Variants in MCTP1 observed in about 807,000 individuals in gnomAD.
The protein encoded by MCTP1 is multiple C2 and transmembrane domain-containing protein 1.
MCTP1 carries 69 observed loss-of-function variants against 120.6 expected under a neutral mutation model. The ratio of observed to expected loss-of-function variants is 0.57; its 90% CI spans 0.47 to 0.70. The LOEUF is 0.70. Among genes scored for constraint, MCTP1 ranks in the 30% least tolerant of loss-of-function variants. The pLI, the probability that MCTP1 is intolerant of heterozygous loss-of-function variation, is 0.00. For missense variants in MCTP1, 1,203 were observed against 1,248.8 expected (o/e 0.96, Z 0.55); for synonymous variants, 529 against 493.1 (o/e 1.07, Z -0.96).
intron 10 of MCTP1, among the ~76,000 whole-genome samples, chr5:94,907,753 GA>G (rs1807307379): frequency 6.8e-6 from 1 of 147,016 alleles, no homozygotes; most frequent in African/African-American, 2.5e-5. Flanking sequence ...CTTACCAAAG[GA>G]AAAAAATATA....
chr5:95,232,821 A>G (rs905125239), intron 1 of MCTP1, among the ~76,000 whole-genome samples: 1 of 152,230 alleles, frequency 6.6e-6, no homozygotes, highest in African/African-American at 2.4e-5. Context: ...CTATATTAAT[A>G]TTAGACAAAG....
chr5:94,808,955 A>G (rs1025485674), intron 17 of MCTP1, among the ~76,000 whole-genome samples: 1 of 152,154 alleles, frequency 6.6e-6, no homozygotes, highest in Non-Finnish European at 1.5e-5. Flanking sequence ...TGAAGTTGCT[A>G]TCTGAAACCT....
At chr5:94,882,518 A>G (rs1457624542) in intron 12 of MCTP1, among the ~76,000 whole-genome samples, 1 of 145,718 alleles carries the variant, frequency 6.9e-6, no homozygotes, top group African/African-American at 2.5e-5. Flanking sequence ...TATTTGCACA[A>G]TTATGTTGCA....
rs563867566 is a variant in MCTP1, at chr5:95,265,054, T to C, written c.720+18802A>G. ...AGGCTCATGAACAGCCCGTCCCTGG[T>C]GCCTGGGCTCTACTCCATCCATCCT... On this transcript the variant is annotated intron_variant, in intron 1 of 22. Coordinates refer to ENST00000515393, the MANE Select transcript of MCTP1 (RefSeq NM_024717.7). Among the ~76,000 whole-genome samples, 442 of 152,258 alleles carry C rather than the reference T, an allele frequency of 2.9e-3. 3 individuals are homozygous for C. Among genetic ancestry groups the C allele is most frequent in the African/African-American group, 0.01 (421 of 41,560 alleles).
chr5:94,985,942 G>A (rs1443631409), intron 2 of MCTP1, among the ~76,000 whole-genome samples: 5 of 152,142 alleles, frequency 3.3e-5, no homozygotes, highest in Non-Finnish European at 7.4e-5. Context: ...TTTAAAGTGA[G>A]CTTTTCTTAC....
At chr5:94,769,272 A>T (rs1016252603) in intron 19 of MCTP1, among the ~76,000 whole-genome samples, 3 of 152,156 alleles carry the variant, frequency 2.0e-5, no homozygotes, top group Admixed American at 2.0e-4. Flanking sequence ...ATGGAAACAA[A>T]CATACAATTA....
chr5:94,763,217 C>G lies in MCTP1; in HGVS notation c.2610+15893G>C, dbSNP rs1206272045. ...CTTATTCCAGTCTGTGTCCAGTTGCCAAAGTTCTCTTCTTAAAGCACACAT... is the reference window on the plus strand; with the variant it reads ...CTTATTCCAGTCTGTGTCCAGTTGCGAAAGTTCTCTTCTTAAAGCACACAT... On this transcript the variant is annotated intron_variant, in intron 19 of 22. Coordinates refer to ENST00000515393, the MANE Select transcript of MCTP1 (RefSeq NM_024717.7). Among the ~76,000 whole-genome samples the G allele has an allele frequency of 2.0e-5, 3 of 152,150 alleles. No individual in the cohort carries two copies. The East Asian group carries it at 5.8e-4, about 29-fold the overall frequency.
intron 3 of MCTP1, among the ~76,000 whole-genome samples, chr5:94,947,555 AATATATATAT>A (rs377155852): frequency 2.5e-5 from 1 of 39,508 alleles, no homozygotes; most frequent in Non-Finnish European, 4.8e-5. Context: ...TAGTTTACTA[AATATATATAT>A]ATATATATAT....
intron 1 of MCTP1, among the ~76,000 whole-genome samples, chr5:95,095,038 T>C (rs1298545591): frequency 1.0e-5 from 1 of 99,134 alleles, no homozygotes; most frequent in African/African-American, 4.0e-5. Flanking sequence ...TTTTTTTTTT[T>C]TTTGAGACGG....
chr5:94,787,139 T>C (rs1777903721), intron 18 of MCTP1, among the ~76,000 whole-genome samples: 1 of 152,224 alleles, frequency 6.6e-6, no homozygotes, highest in Non-Finnish European at 1.5e-5. Flanking sequence ...TCTTTGCTCA[T>C]GGTACTGCCT....
intron 1 of MCTP1, among the ~76,000 whole-genome samples, chr5:95,174,919 T>A (rs1692131351): frequency 6.6e-6 from 1 of 152,238 alleles, no homozygotes; most frequent in Non-Finnish European, 1.5e-5. Flanking sequence ...TTAGCCATAC[T>A]TTTTGTATTC....
chr5:95,020,467 T>C lies in MCTP1; in HGVS notation c.721-2983A>G, dbSNP rs1837987805. 7.2e-5 allele frequency among the ~76,000 whole-genome samples: 11 copies of C among 152,164 alleles called. No homozygotes were observed. In the South Asian group the frequency reaches 2.3e-3, roughly 31 times the overall value. ...ATATCCTTTGTTCTCTTTTCTGCTG[T>C]GTTGTTAGTCTTTTTTAAAATGGCA... On this transcript the variant is annotated intron_variant, in intron 1 of 22. Transcript: ENST00000515393.
chr5:94,850,047 C>G (rs1032082752), intron 17 of MCTP1, among the ~76,000 whole-genome samples: 1 of 152,120 alleles, frequency 6.6e-6, no homozygotes, highest in South Asian at 2.1e-4. Flanking sequence ...TAACTGACTT[C>G]AGAAGCACGG....
intron 2 of MCTP1, among the ~76,000 whole-genome samples, chr5:95,001,877 C>T (rs1833791896): frequency 6.6e-6 from 1 of 152,168 alleles, no homozygotes; most frequent in African/African-American, 2.4e-5. Flanking sequence ...GAAATGTCGA[C>T]AGGGCATGTC....
At chr5:94,952,187 A>AAAAAAAAAAAAAAAAAAAAAAAC (rs1820796539) in intron 3 of MCTP1, among the ~76,000 whole-genome samples, 1 of 141,738 alleles carries the variant, frequency 7.1e-6, no homozygotes. Flanking sequence ...AAAAAAAAAA[A>AAAAAAAAAAAAAAAAAAAAAAAC]AAAAAAGCTA....
At chr5:95,004,257 T>G (rs1733832229) in intron 2 of MCTP1, among the ~76,000 whole-genome samples, 1 of 152,232 alleles carries the variant, frequency 6.6e-6, no homozygotes, top group Non-Finnish European at 1.5e-5. Flanking sequence ...TACACTCATA[T>G]GCATGTGCAA....
chr5:94,836,278 T>C (rs919525435), intron 17 of MCTP1, among the ~76,000 whole-genome samples: 19 of 151,498 alleles, frequency 1.3e-4, no homozygotes, highest in Non-Finnish European at 2.5e-4. Flanking sequence ...TCTGTAGGTC[T>C]GCACTGTGTC....
intron 1 of MCTP1, among the ~76,000 whole-genome samples, chr5:95,036,910 T>TTTCACTCACTCAC (rs1037101588): frequency 3.0e-5 from 1 of 33,044 alleles, no homozygotes; most frequent in Admixed American, 4.2e-4. Context: ...AATTTCATTC[T>TTTCACTCACTCAC]TTCACTCACT....
chr5:95,051,143 T>C (rs1261706153), intron 1 of MCTP1, among the ~76,000 whole-genome samples: 2 of 152,198 alleles, frequency 1.3e-5, no homozygotes, highest in African/African-American at 2.4e-5. Context: ...AGGGCAGCCC[T>C]AGAAAACTGA....
Sources: gnomAD v4.1 joint callset for allele counts (sites outside exome capture counted in the v4.1 genomes callset) on GRCh38, gnomAD v4.1.1 for gene constraint, MANE v1.5 for transcripts, NCBI Gene and HGNC (gene_info 2026-07-23, HGNC 2026-07-21) for gene names.